The following NRG3 variants were observed in gnomAD, a reference collection of about 807,000 sequenced individuals.
The protein encoded by NRG3 is neuregulin 3, also known as pro-neuregulin-3, membrane-bound isoform.
NRG3 carries 31 observed loss-of-function variants against 66.9 expected under a neutral mutation model. The observed-to-expected ratio is 0.46, with a 90% confidence interval of 0.35 to 0.63. The LOEUF (loss-of-function observed/expected upper bound fraction) is 0.63, where lower values mean the gene tolerates loss of function less well. Ranked by LOEUF, NRG3 falls within the 20% of genes least tolerant of loss-of-function variation. The probability of loss-of-function intolerance (pLI) is 0.00; values close to 1 mark genes in which losing one functional copy is unlikely to be tolerated. For synonymous variants in NRG3, 393 were observed against 359.4 expected (o/e 1.09, Z -1.06); for missense variants, 910 against 878.9 (o/e 1.04, Z -0.45).
intron 2 of NRG3, among the ~76,000 whole-genome samples, chr10:82,501,624 G>A (rs182765581): frequency 1.1e-4 from 16 of 152,124 alleles, no homozygotes; most frequent in African/African-American, 3.6e-4. Context: ...CTTCTCAGTG[G>A]CAAGGCTATT....
intron 2 of NRG3, among the ~76,000 whole-genome samples, chr10:82,451,710 A>G (rs2091025797): frequency 1.3e-5 from 2 of 152,058 alleles, no homozygotes; most frequent in Admixed American, 6.6e-5. Flanking sequence ...TGTCTATTTT[A>G]TTCAAGATAC....
At chr10:82,229,501 A>T (rs1198239056) in intron 1 of NRG3, among the ~76,000 whole-genome samples, 1 of 152,172 alleles carries the variant, frequency 6.6e-6, no homozygotes, top group Non-Finnish European at 1.5e-5. Context: ...TGCTATAAAG[A>T]ACTACCCAAG....
chr10:82,395,463 G>T (rs2086654387), intron 2 of NRG3, among the ~76,000 whole-genome samples: 1 of 152,200 alleles, frequency 6.6e-6, no homozygotes, highest in South Asian at 2.1e-4. Flanking sequence ...CTGTCCATAT[G>T]TCAGGTACAC....
At chr10:82,402,054 T>G (rs2087141891) in intron 2 of NRG3, among the ~76,000 whole-genome samples, 1 of 152,090 alleles carries the variant, frequency 6.6e-6, no homozygotes, top group Non-Finnish European at 1.5e-5. Context: ...ACCTCATTAT[T>G]AAATTTGATT....
At chr10:82,378,819 C>T (rs2085427551) in intron 2 of NRG3, among the ~76,000 whole-genome samples, 2 of 152,058 alleles carry the variant, frequency 1.3e-5, no homozygotes, top group Admixed American at 1.3e-4. Flanking sequence ...GATCCACCCA[C>T]CTCGGCCTCC....
intron 4 of NRG3, among the ~76,000 whole-genome samples, chr10:82,887,645 A>G (rs1842837013): frequency 6.6e-6 from 1 of 152,160 alleles, no homozygotes; most frequent in Non-Finnish European, 1.5e-5. Flanking sequence ...GAAACAGACA[A>G]TTAAAGGAAG....
At chr10:82,025,823 A>G (rs1187116091) in intron 1 of NRG3, among the ~76,000 whole-genome samples, 1 of 151,894 alleles carries the variant, frequency 6.6e-6, no homozygotes, top group Non-Finnish European at 1.5e-5. Flanking sequence ...TTACTTACTT[A>G]TTTTGGATAG....
chr10:82,233,716 G>T (rs1272906004), intron 1 of NRG3, among the ~76,000 whole-genome samples: 1 of 152,014 alleles, frequency 6.6e-6, no homozygotes, highest in African/African-American at 2.4e-5. Context: ...TCCCTTTCAA[G>T]ATAAATGGCA....
chr10:82,904,460 C>G (rs1340507407), intron 4 of NRG3, among the ~76,000 whole-genome samples: 1 of 152,012 alleles, frequency 6.6e-6, no homozygotes, highest in Non-Finnish European at 1.5e-5. Context: ...GCATTTAAAC[C>G]GGAAGAAAGG....
chr10:82,891,835 A>G (rs1363193969), intron 4 of NRG3, among the ~76,000 whole-genome samples: 1 of 152,002 alleles, frequency 6.6e-6, no homozygotes, highest in Admixed American at 6.6e-5. Context: ...AGCAGGTTTA[A>G]TTTTCTTATT....
chr10:82,781,118 G>A (rs1453261203), intron 3 of NRG3, among the ~76,000 whole-genome samples: 1 of 152,134 alleles, frequency 6.6e-6, no homozygotes, highest in Non-Finnish European at 1.5e-5. Context: ...GAGGCACAGT[G>A]TTTTCCTTCA....
At chr10:82,101,752 G>T (rs987184) in intron 1 of NRG3, among the ~76,000 whole-genome samples, 5,714 of 149,596 alleles carry the variant, frequency 0.038, 148 homozygotes, top group East Asian at 0.1. Context: ...CAAGGAAAGG[G>T]TCTATCTTGG....
intron 2 of NRG3, among the ~76,000 whole-genome samples, chr10:82,603,708 T>C (rs1429045832): frequency 6.6e-6 from 1 of 152,014 alleles, no homozygotes; most frequent in Non-Finnish European, 1.5e-5. Flanking sequence ...TTTTAGATAA[T>C]ATATTTACTT....
At chr10:82,281,934 T>C (rs1468634780) in intron 1 of NRG3, among the ~76,000 whole-genome samples, 1 of 152,196 alleles carries the variant, frequency 6.6e-6, no homozygotes, top group East Asian at 1.9e-4. Flanking sequence ...TTGGATTTCT[T>C]CTGTATTTTA....
rs1429811210 is a variant in NRG3, at chr10:82,042,049, G to C, written c.823+165886G>C. On this transcript the variant is annotated intron_variant, in intron 1 of 8. Transcript: ENST00000372141. ...TCCAAGTACAGTTTACTTTTAGGTA[G>C]TTAGAGATATAAAGTGGCCACTGAG... 2.6e-5 allele frequency among the ~76,000 whole-genome samples: 4 copies of C among 152,034 alleles called. No homozygotes were observed. The East Asian group carries it at 7.7e-4, about 29-fold the overall frequency.
At chr10:82,418,133 A>G (rs2088718104) in intron 2 of NRG3, among the ~76,000 whole-genome samples, 1 of 152,170 alleles carries the variant, frequency 6.6e-6, no homozygotes, top group Non-Finnish European at 1.5e-5. Context: ...ATTTGAGGGA[A>G]ATAACTGTCA....
rs146337072 is a variant in NRG3, at chr10:82,836,513, C to A, written c.1028-28898C>A. 1.5e-3 allele frequency among the ~76,000 whole-genome samples: 223 copies of A among 152,192 alleles called. 2 individuals are homozygous for A. The highest frequency in any genetic ancestry group is 5.2e-3 in the African/African-American group (215 of 41,554). On this transcript the variant is annotated intron_variant, in intron 3 of 8. Coordinates refer to ENST00000372141, the MANE Select transcript of NRG3 (RefSeq NM_001010848.4). ...TCAACTCGGCTGTCCTTTGTGATAA[C>A]ACTTGGCAGAAAAAACTTCAATAAC...
intron 1 of NRG3, among the ~76,000 whole-genome samples, chr10:82,028,663 TATACAAACCC>T: frequency 6.6e-6 from 1 of 152,090 alleles, no homozygotes; most frequent in Admixed American, 6.6e-5. Flanking sequence ...CATCTTTACT[TATACAAACCC>T]TCACTCTGGG....
At chr10:82,625,283 C>A (rs2049337296) in intron 2 of NRG3, among the ~76,000 whole-genome samples, 1 of 151,846 alleles carries the variant, frequency 6.6e-6, no homozygotes, top group Admixed American at 6.6e-5. Flanking sequence ...ATTTCCTACA[C>A]TGCTTTTAGT....
Sources: allele counts gnomAD v4.1 joint callset (sites outside exome capture counted in the v4.1 genomes callset), GRCh38; gene constraint gnomAD v4.1.1; transcripts MANE v1.5; gene names NCBI Gene and HGNC (gene_info 2026-07-23, HGNC 2026-07-21).